ACD: variants seen among roughly 807,000 people sequenced by gnomAD.
ACD encodes the protein ACD shelterin complex subunit and telomerase recruitment factor.
A neutral mutation model predicts 53.9 loss-of-function variants in ACD; 39 were observed. The ratio of observed to expected loss-of-function variants is 0.72; its 90% CI spans 0.56 to 0.95. The LOEUF is 0.95. Ranked by LOEUF, ACD falls within the 40% of genes least tolerant of loss-of-function variation. The pLI, the probability that ACD is intolerant of heterozygous loss-of-function variation, is 0.00. For missense variants in ACD, 526 were observed against 587.9 expected, an observed-to-expected ratio of 0.89 and a Z score of 1.09; for synonymous variants, 273 against 249.2, an observed-to-expected ratio of 1.10 and a Z score of -0.90.
rs928618096 is a variant in ACD, at chr16:67,658,367, G to A, written c.830-5C>T. The A allele has an allele frequency of 1.1e-5, 17 of 1,613,544 alleles. 1 individual carries two copies. The highest frequency in any genetic ancestry group is 3.3e-4 in the Middle Eastern group (2 of 5,998). On this transcript the variant is annotated splice_region_variant and splice_polypyrimidine_tract_variant and intron_variant, in intron 9 of 11. Coordinates refer to ENST00000620761, the MANE Select transcript of ACD (RefSeq NM_001082486.2). ...GGCCGGGTAAGGCCGGGGTTCCTGA[G>A]GAGGAGGGGACTTATTGTAGGCACA...
In ACD at chr16:67,657,574, A is replaced by T. The variant is rs72556537; in HGVS notation, c.*32T>A. On this transcript the variant is annotated 3_prime_UTR_variant, in exon 12 of 12. Transcript: ENST00000620761. The surrounding 1 kb of genome is among the most constrained non-coding windows in gnomAD (Gnocchi z 4.5). ...TTATTAAAAAACTCAAAGGAAGCAGAGTGTGGAGCGGTATCTGTCCTGCGT... is the reference window on the plus strand; with the variant it reads ...TTATTAAAAAACTCAAAGGAAGCAGTGTGTGGAGCGGTATCTGTCCTGCGT... 0.09 allele frequency: 145,676 copies of T among 1,613,908 alleles called. 7,411 individuals carry two copies. The highest frequency in any genetic ancestry group is 0.13 in the Admixed American group (7,926 of 60,014).
At position 67,658,591 on chromosome 16, in the gene ACD, G is replaced by A. The variant is rs200934242; in HGVS notation, c.793C>T (p.Leu265Phe). 1.3e-6 allele frequency: 2 copies of A among 1,574,150 alleles called. No homozygotes were observed. The highest frequency in any genetic ancestry group is 2.2e-5 in the East Asian group (1 of 44,544). ...GGTGAGGAAGGAGGAGAGGCTATGA[G>A]GGTCAGAGATAGGTCCTGCAGAGCC... The part of the protein sequence containing the change: ...DPALQDLSLT[L>F]IASPPSSPSS... Residue 265 changes from leucine (L) to phenylalanine (F), a missense_variant, in exon 9 of 12, where the codon CTC (leucine) becomes TTC (phenylalanine). Leu to Phe is a conservative substitution (Grantham distance 22, BLOSUM62 0). Transcript: ENST00000620761.
Position 67,658,620 on chromosome 16 carries a change from T to C in ACD, c.764A>G (p.Asp255Gly), listed in dbSNP as rs778481591. 1.3e-6 allele frequency: 2 copies of C among 1,576,414 alleles called. No individual in the cohort carries two copies. Among genetic ancestry groups the C allele is most frequent in the Middle Eastern group, 1.7e-4 (1 of 5,842 alleles). ...RTQGPELPPP[D>G]PALQDLSLTL... is the part of the protein sequence containing the mutation. Reference sequence around the variant, plus strand: ...CAGAGATAGGTCCTGCAGAGCCGGGTCTGGTGGGGGCAGCTCAGGGCCTGG... The same window carrying C: ...CAGAGATAGGTCCTGCAGAGCCGGGCCTGGTGGGGGCAGCTCAGGGCCTGG... The change falls in exon 9 of 12, where the codon GAC becomes GGC. Residue 255 changes from aspartate (D) to glycine (G), a missense_variant. Transcript: ENST00000620761.
rs1295487812 is a variant in ACD, at chr16:67,658,255, A to T, written c.937T>A (p.Ser313Thr). ...GAGCAGATGGCTGGTGAGGGCTGGG[A>T]GCTGCTTCTCTGCCCTGGGTCTGGA... The part of the protein sequence containing the change: ...AAPDPGQRSS[S>T]QPSPAICSAP... The change falls in exon 10 of 12, where the codon TCC (serine) becomes ACC (threonine). Residue 313 changes from serine to threonine, a missense_variant. Physicochemically the swap from Ser to Thr is moderately conservative, Grantham distance 58. Transcript: ENST00000620761. 2 of 1,613,420 alleles carry T rather than the reference A, an allele frequency of 1.2e-6. No homozygotes were observed. Among genetic ancestry groups the T allele is most frequent in the African/African-American group, 2.7e-5 (2 of 74,882 alleles).
Position 67,658,274 on chromosome 16 carries a change from G to C in ACD, c.918C>G (p.Asp306Glu). The change falls in exon 10 of 12, where the codon GAC becomes GAG. Residue 306 changes from aspartate to glutamate, a missense_variant. Asp to Glu is a conservative substitution (Grantham distance 45, BLOSUM62 2). Coordinates refer to ENST00000620761, the MANE Select transcript of ACD (RefSeq NM_001082486.2). ...GCTGGGAGCTGCTTCTCTGCCCTGG[G>C]TCTGGAGCAGCCAAGGACAGGGCAG... ...LLPALSLAAP[D>E]PGQRSSSQPS... 6.2e-7 allele frequency: 1 copy of C among 1,613,762 alleles called. No homozygotes were observed.
Position 67,658,556 on chromosome 16 carries a change from T to C in ACD, c.828A>G (p.Ser276=), listed in dbSNP as rs2052923713. The C allele has an allele frequency of 6.4e-7, 1 of 1,565,398 alleles. No individual in the cohort carries two copies. Among genetic ancestry groups the C allele is most frequent in the Non-Finnish European group, 8.7e-7 (1 of 1,153,766 alleles). ...IASPPSSPSS[S]GTPALPGHMS... is the part of the protein sequence containing the mutation. ...CCTGTGACCTGTGCATCACCTCACC[T>C]GAGGAACTGGGTGAGGAAGGAGGAG... The change falls in exon 9 of 12, where the codon TCA becomes TCG. Residue 276 remains serine (S), a splice_region_variant and synonymous_variant. Coordinates refer to ENST00000620761, the MANE Select transcript of ACD (RefSeq NM_001082486.2).
rs201823240 is a variant in ACD at position 67,658,795 on chromosome 16, G to A, written c.667C>T (p.Pro223Ser). The A allele has an allele frequency of 3.1e-6, 5 of 1,613,300 alleles. No individual in the cohort carries two copies. The South Asian group carries it at 4.4e-5, about 14-fold the overall frequency. The change falls in exon 8 of 12, where the codon CCC (proline) becomes TCC (serine). Residue 223 changes from proline (P) to serine (S), a missense_variant. By Grantham distance (74) the Pro-to-Ser change is moderately conservative. Coordinates refer to ENST00000620761, the MANE Select transcript of ACD (RefSeq NM_001082486.2). ...TCAGAGATGCACAGCATTGAGCTGG[G>A]GACAGTGTACACAGCTTCTCCCTGT... ...KATGEAVYTV[P>S]SSMLCISEND...
intron 8 of ACD, 27 bp downstream of exon 8, chr16:67,658,693 C>T: frequency 6.3e-7 from 1 of 1,596,132 alleles, no homozygotes; most frequent in East Asian, 2.2e-5. Context: ...CCCCAGGTAT[C>T]CCCCCAACCT....
chr16:67,658,089 G>C lies in ACD; in HGVS notation c.1103C>G (p.Pro368Arg), dbSNP rs1465365230. The change falls in exon 10 of 12, where the codon CCT becomes CGT. Residue 368 changes from proline (P) to arginine (R), a missense_variant. Coordinates refer to ENST00000620761, the MANE Select transcript of ACD (RefSeq NM_001082486.2). ...TACAAACTCCTTGAACTCCAGGCTA[G>C]GTTTCTGGGGCCTGGTCACAAGAGC... is the stretch of plus-strand genomic sequence containing the variant. ...HQALVTRPQK[P>R]SLEFKEFVGL... 1.3e-6 allele frequency: 2 copies of C among 1,570,854 alleles called. No individual in the cohort carries two copies. Among genetic ancestry groups the C allele is most frequent in the Admixed American group, 1.9e-5 (1 of 53,456 alleles).
Position 67,658,506 on chromosome 16 carries a change from CCTGA to C in ACD, c.829+45_829+48del, listed in dbSNP as rs768670598. Reference sequence around the variant, plus strand: ...CACAGCATCCTGCGCAGCCCGGGAACCTGACTGACAGGCGGCAGTGAGTGCCTGT... The same window carrying C: ...CACAGCATCCTGCGCAGCCCGGGAACCTGACAGGCGGCAGTGAGTGCCTGT... On this transcript the variant is annotated intron_variant, in intron 9 of 11. Coordinates refer to ENST00000620761, the MANE Select transcript of ACD (RefSeq NM_001082486.2). 1.9e-5 allele frequency: 30 copies of C among 1,571,032 alleles called. 1 individual carries two copies. The Admixed American group carries it at 5.1e-4, about 27-fold the overall frequency.
At position 67,657,972 on chromosome 16, in the gene ACD, G is replaced by A; in HGVS notation, c.1206+14C>T. 1.9e-6 allele frequency: 3 copies of A among 1,582,810 alleles called. No individual in the cohort carries two copies. The highest frequency in any genetic ancestry group is 1.3e-5 in the African/African-American group (1 of 74,574). ...CCTTGTTCTACCCTCCAGCTGCAGA[G>A]GGGCTATGCTCACCCAGACAGAGCA... On this transcript the variant is annotated intron_variant, in intron 10 of 11. Coordinates refer to ENST00000620761, the MANE Select transcript of ACD (RefSeq NM_001082486.2). This position sits in a 1 kb window ranked among gnomAD's most constrained non-coding sequence, Gnocchi z 4.5.
chr16:67,659,470 T>G, intron 4 of ACD, 51 bp from the exon 5 acceptor site: 1 of 1,613,926 alleles, frequency 6.2e-7, no homozygotes, highest in Non-Finnish European at 8.5e-7. Context: ...TCCTACCCCA[T>G]AGGCGTCTGC....
Position 67,657,748 on chromosome 16 carries a change from A to T in ACD, c.1298+14T>A. On this transcript the variant is annotated intron_variant, in intron 11 of 11. Transcript: ENST00000620761. This position sits in a 1 kb window ranked among gnomAD's most constrained non-coding sequence, Gnocchi z 4.5. The stretch of plus-strand genomic sequence containing the variant: ...GACTAGTGACCAAGAGTTGGGGCAG[A>T]CCCAGGCACTCACCTGACAGCTTGG... The T allele has an allele frequency of 6.2e-7, 1 of 1,613,970 alleles. No homozygotes were observed. Among genetic ancestry groups the T allele is most frequent in the African/African-American group, 1.3e-5 (1 of 75,022 alleles).
In ACD at chr16:67,658,061, C is replaced by T; in HGVS notation, c.1131G>A (p.Gly377=). The part of the protein sequence containing the change: ...KPSLEFKEFV[G]LPCKNRPPFP... ...AAGGCGGCCGATTCTTGCAGGGCAA[C>T]CCTACAAACTCCTTGAACTCCAGGC... The change falls in exon 10 of 12, where the codon GGG becomes GGA. Residue 377 remains glycine (G), a synonymous_variant. Coordinates refer to ENST00000620761, the MANE Select transcript of ACD (RefSeq NM_001082486.2). 6.4e-7 allele frequency: 1 copy of T among 1,555,660 alleles called. No individual in the cohort carries two copies. The highest frequency in any genetic ancestry group is 8.7e-7 in the Non-Finnish European group (1 of 1,152,572).
rs374662096 is a variant in ACD, at chr16:67,659,652, T to C, written c.337-39A>G. 1.9e-6 allele frequency: 3 copies of C among 1,612,610 alleles called. No homozygotes were observed. The African/African-American group carries it at 4.0e-5, about 22-fold the overall frequency. On this transcript the variant is annotated intron_variant, in intron 3 of 11. Transcript: ENST00000620761. ...GGGGGAAGGGGGGGTCTCAGAATCG[T>C]CACGAAGAGTCATGCCCGGTAACCC... is the stretch of plus-strand genomic sequence containing the variant.
At position 67,658,822 on chromosome 16, in the gene ACD, G is replaced by A. The variant is rs756847507; in HGVS notation, c.646-6C>T. ...ACAGTGTACACAGCTTCTCCCTGTG[G>A]GACATGAACTCTGTAGGACAGGCCC... On this transcript the variant is annotated splice_region_variant and splice_polypyrimidine_tract_variant and intron_variant, in intron 7 of 11. Coordinates refer to ENST00000620761, the MANE Select transcript of ACD (RefSeq NM_001082486.2). 1.2e-6 allele frequency: 2 copies of A among 1,609,526 alleles called. No homozygotes were observed. The highest frequency in any genetic ancestry group is 1.7e-6 in the Non-Finnish European group (2 of 1,176,754).
At chr16:67,658,900 C>G (rs1266371407) in intron 7 of ACD, 28 bp downstream of exon 7, 2 of 1,608,800 alleles carry the variant, frequency 1.2e-6, no homozygotes, top group Admixed American at 3.3e-5. Flanking sequence ...CTCACCCTGA[C>G]ATCTCCCAAG....
rs753806561 is a variant in ACD at position 67,657,648 on chromosome 16, A to G, written c.1335T>C (p.Phe445=). Residue 445 remains phenylalanine, a synonymous_variant, in exon 12 of 12, where the codon TTT becomes TTC. Coordinates refer to ENST00000620761, the MANE Select transcript of ACD (RefSeq NM_001082486.2). This position sits in a 1 kb window ranked among gnomAD's most constrained non-coding sequence, Gnocchi z 4.5. ...PPQLMAWALH[F]LMDAQPGSEP... is the part of the protein sequence containing the mutation. The stretch of plus-strand genomic sequence containing the variant: ...CAGACCCTGGCTGTGCATCCATCAG[A>G]AAGTGCAAGGCCCAGGCCATGAGCT... 3 of 1,614,180 alleles carry G rather than the reference A, an allele frequency of 1.9e-6. No individual in the cohort carries two copies. Among genetic ancestry groups the G allele is most frequent in the South Asian group, 1.1e-5 (1 of 91,092 alleles).
rs149365469 is a variant in ACD at position 67,660,199 on chromosome 16, C to T, written c.22G>A (p.Val8Ile). The T allele has an allele frequency of 5.8e-4, 931 of 1,612,648 alleles. 6 individuals are homozygous for T. In the Middle Eastern group the frequency reaches 0.029, roughly 51 times the overall value. ...AGCTCCCGAATCCAGGGCCGTAGGA[C>T]CAGCCTCCCCGAACCTGCCATCCCC... MAGSGRL[V>I]LRPWIRELIL... The change falls in exon 1 of 12, where the codon GTC becomes ATC. Residue 8 changes from valine (V) to isoleucine (I), a missense_variant. By Grantham distance (29) the Val-to-Ile change is conservative. Coordinates refer to ENST00000620761, the MANE Select transcript of ACD (RefSeq NM_001082486.2).
Sources: gnomAD v4.1 joint callset for allele counts on GRCh38, gnomAD v4.1.1 for gene constraint, Gnocchi (gnomAD v3.1) non-coding constraint, MANE v1.5 for transcripts, NCBI Gene and HGNC (gene_info 2026-07-23, HGNC 2026-07-21) for gene names.